The following SNX31 variants were observed in gnomAD, a reference collection of about 807,000 sequenced individuals.
The protein encoded by SNX31 is sorting nexin-31.
Under a neutral mutation model 65.4 loss-of-function variants are expected in SNX31, and 58 were observed. That is an observed-to-expected ratio of 0.89 (90% CI 0.72 to 1.10). SNX31 has a LOEUF of 1.10. Among genes scored for constraint, SNX31 ranks in the 50% least tolerant of loss-of-function variants. SNX31 has a pLI of 0.00. For synonymous variants in SNX31, 181 were observed against 190.1 expected (o/e 0.95, Z 0.39); for missense variants, 523 against 529.7 (o/e 0.99, Z 0.12).
rs1817799022 is a variant in SNX31, at chr8:100,622,899, A to T, written c.322-5169T>A. On this transcript the variant is annotated intron_variant, in intron 4 of 13. Transcript: ENST00000311812. This position sits in a 1 kb window ranked among gnomAD's most constrained non-coding sequence, Gnocchi z 5.0. ...CAGTAAAGAACCTGCACATCAAGGG[A>T]GGTAAGAGGTTAAAGCGCCACCCAA... Among the ~76,000 whole-genome samples the T allele has an allele frequency of 6.6e-6, 1 of 152,056 alleles. No homozygotes were observed. The highest frequency in any genetic ancestry group is 1.5e-5 in the Non-Finnish European group (1 of 67,994).
rs544285340 is a variant in SNX31 at position 100,637,181 on chromosome 8, T to C, written c.142-1170A>G. 5.3e-5 allele frequency among the ~76,000 whole-genome samples: 8 copies of C among 152,348 alleles called. No individual in the cohort carries two copies. The South Asian group carries it at 1.7e-3, about 32-fold the overall frequency. The stretch of plus-strand genomic sequence containing the variant: ...AATTATTTTTATGGAACCTAAAAAG[T>C]GGATGCATAAAAAATAATTTTAAAA... On this transcript the variant is annotated intron_variant, in intron 2 of 13. Transcript: ENST00000311812.
intron 2 of SNX31, among the ~76,000 whole-genome samples, chr8:100,641,090 T>A (rs79076987): frequency 0.48 from 72,316 of 151,704 alleles, 17,498 homozygotes; most frequent in African/African-American, 0.55. Flanking sequence ...TTTCAAAAAT[T>A]AAGTTTATTT....
chr8:100,602,218 C>T (rs888938643), intron 8 of SNX31, among the ~76,000 whole-genome samples: 4 of 152,242 alleles, frequency 2.6e-5, no homozygotes, highest in African/African-American at 9.6e-5. Context: ...AGCCTATCTG[C>T]TACATCCCTC....
chr8:100,612,672 C>T lies in SNX31; in HGVS notation c.523+323G>A, dbSNP rs1259825160. Among the ~76,000 whole-genome samples the T allele has an allele frequency of 6.6e-6, 1 of 152,136 alleles. No individual in the cohort carries two copies. Among genetic ancestry groups the T allele is most frequent in the Non-Finnish European group, 1.5e-5 (1 of 68,036 alleles). ...GGTGGGGCGTCCTGACCCCTGGAGT[C>T]TAGCACTCCATTCACAGGAAACGGT... On this transcript the variant is annotated intron_variant, in intron 6 of 13. Coordinates refer to ENST00000311812, the MANE Select transcript of SNX31 (RefSeq NM_152628.4). The surrounding 1 kb of genome is among the most constrained non-coding windows in gnomAD (Gnocchi z 4.3).
chr8:100,591,071 AAC>A (rs1814526089), intron 10 of SNX31, among the ~76,000 whole-genome samples: 1 of 152,224 alleles, frequency 6.6e-6, no homozygotes, highest in Admixed American at 6.5e-5. Flanking sequence ...TAGGGCTTTA[AAC>A]ACAGCGAGAG....
At chr8:100,651,446 C>T (rs1055029933), upstream of SNX31, among the ~76,000 whole-genome samples, 28 of 151,662 alleles carry the variant, frequency 1.8e-4, no homozygotes, top group African/African-American at 6.7e-4. Flanking sequence ...TGGCCTGGAC[C>T]CTGGTTTCAC....
intron 11 of SNX31, among the ~76,000 whole-genome samples, chr8:100,585,999 C>T (rs1037414674): frequency 3.3e-5 from 5 of 151,920 alleles, no homozygotes; most frequent in Admixed American, 2.0e-4. Flanking sequence ...TGGCTCACTA[C>T]AACCTTCGCC....
At chr8:100,644,021 C>T (rs891772983) in intron 2 of SNX31, among the ~76,000 whole-genome samples, 1 of 152,126 alleles carries the variant, frequency 6.6e-6, no homozygotes, top group Non-Finnish European at 1.5e-5. Context: ...GACAGGTAGA[C>T]TAAAACCAGG....
Position 100,609,667 on chromosome 8 carries a change from A to C in SNX31, c.612-1104T>G, listed in dbSNP as rs1466973455. On this transcript the variant is annotated intron_variant, in intron 7 of 13. Coordinates refer to ENST00000311812, the MANE Select transcript of SNX31 (RefSeq NM_152628.4). This position sits in a 1 kb window ranked among gnomAD's most constrained non-coding sequence, Gnocchi z 4.9. ...TGCTCAGAATAGGGTGAATAGACCA[A>C]TGGGGTTGGCTTAGACCAGGAAAGG... is the stretch of plus-strand genomic sequence containing the variant. 6.6e-6 allele frequency among the ~76,000 whole-genome samples: 1 copy of C among 152,156 alleles called. No individual in the cohort carries two copies. The highest frequency in any genetic ancestry group is 2.1e-4 in the South Asian group (1 of 4,824).
intron 1 of SNX31, among the ~76,000 whole-genome samples, chr8:100,659,092 T>C (rs1293221276): frequency 6.6e-6 from 1 of 152,092 alleles, no homozygotes. Flanking sequence ...ATGCCTGTAA[T>C]ACCAGCACTT....
chr8:100,592,529 T>C (rs533684388), intron 10 of SNX31, among the ~76,000 whole-genome samples: 6 of 152,240 alleles, frequency 3.9e-5, no homozygotes, highest in African/African-American at 1.4e-4. Flanking sequence ...GCTGGGGATA[T>C]AAAATGGTGC....
At chr8:100,656,668 C>T (rs1820058271) in intron 1 of SNX31, among the ~76,000 whole-genome samples, 1 of 115,782 alleles carries the variant, frequency 8.6e-6, no homozygotes, top group Non-Finnish European at 1.8e-5. Flanking sequence ...AAAAAAAAAC[C>T]TTTAAGAGCA....
chr8:100,632,597 A>G (rs1440878118), intron 3 of SNX31, among the ~76,000 whole-genome samples: 1 of 152,096 alleles, frequency 6.6e-6, no homozygotes, highest in East Asian at 1.9e-4. Flanking sequence ...GCTACAAAGG[A>G]CATTAGTATA....
At chr8:100,585,910 A>G (rs898204123) in intron 11 of SNX31, among the ~76,000 whole-genome samples, 1 of 152,178 alleles carries the variant, frequency 6.6e-6, no homozygotes, top group Non-Finnish European at 1.5e-5. Context: ...AAGACAAAGC[A>G]AAAGGATCGA....
Position 100,648,939 on chromosome 8 carries a change from GC to G in SNX31, c.141+334del, listed in dbSNP as rs1819833301. On this transcript the variant is annotated intron_variant, in intron 2 of 13. Coordinates refer to ENST00000311812, the MANE Select transcript of SNX31 (RefSeq NM_152628.4). This position sits in a 1 kb window ranked among gnomAD's most constrained non-coding sequence, Gnocchi z 4.3. ...GAGGGAAGCATTGTCCTGGGGAACAGCGGGCACTGAAATGGGGCCCAGCATA... is the reference window on the plus strand; with the variant it reads ...GAGGGAAGCATTGTCCTGGGGAACAGGGGCACTGAAATGGGGCCCAGCATA... Among the ~76,000 whole-genome samples the G allele has an allele frequency of 6.6e-6, 1 of 152,242 alleles. No individual in the cohort carries two copies. The highest frequency in any genetic ancestry group is 2.1e-4 in the South Asian group (1 of 4,834).
In SNX31 at chr8:100,626,879, C is replaced by T. The variant is rs142479875; in HGVS notation, c.321+3448G>A. ...GATATAAAAGTGAGCTGGTAAAGTT[C>T]ACGGAAGAAATGGAAGAGGAAAATA... On this transcript the variant is annotated intron_variant, in intron 4 of 13. Transcript: ENST00000311812. The surrounding 1 kb of genome is among the most constrained non-coding windows in gnomAD (Gnocchi z 4.4). Among the ~76,000 whole-genome samples the T allele has an allele frequency of 7.6e-4, 115 of 152,120 alleles. No homozygotes were observed. Among genetic ancestry groups the T allele is most frequent in the African/African-American group, 2.4e-3 (99 of 41,496 alleles).
At chr8:100,652,672 T>C (rs369153245), upstream of SNX31, among the ~76,000 whole-genome samples, 11 of 152,120 alleles carry the variant, frequency 7.2e-5, no homozygotes, top group African/African-American at 2.4e-4. Context: ...GGCTCTTTGA[T>C]ATCTGGTACC....
At position 100,591,950 on chromosome 8, in the gene SNX31, G is replaced by A. The variant is rs530111926; in HGVS notation, c.979-2971C>T. 4.4e-4 allele frequency among the ~76,000 whole-genome samples: 67 copies of A among 152,144 alleles called. 3 individuals are homozygous for A. The highest frequency in any genetic ancestry group is 4.4e-3 in the Admixed American group (67 of 15,278). ...CATTCAATAATGTAAAATTTGCAAC[G>A]TTTAGCATGCCACAAAAAATTACTT... On this transcript the variant is annotated intron_variant, in intron 10 of 13. Transcript: ENST00000311812.
intron 7 of SNX31, 98 bp downstream of exon 7, chr8:100,611,902 G>A: frequency 1.1e-6 from 1 of 911,632 alleles, no homozygotes; most frequent in Non-Finnish European, 1.8e-6. Context: ...GTCTCCAGCT[G>A]TCAGGCTATG....
Sources: allele counts gnomAD v4.1 joint callset (sites outside exome capture counted in the v4.1 genomes callset), GRCh38; gene constraint gnomAD v4.1.1; non-coding constraint Gnocchi (gnomAD v3.1); transcripts MANE v1.5; gene names NCBI Gene and HGNC (gene_info 2026-07-23, HGNC 2026-07-21).